DENND5A: variants seen among roughly 807,000 people sequenced by gnomAD.
The protein encoded by DENND5A is DENN domain-containing protein 5A.
DENND5A carries 64 observed loss-of-function variants against 140.3 expected under a neutral mutation model. The ratio of observed to expected loss-of-function variants is 0.46; its 90% confidence interval spans 0.37 to 0.56. The LOEUF is 0.56. DENND5A is among the 20% of genes least tolerant of loss of function. The pLI is 0.00. For missense variants in DENND5A, 1,292 were observed against 1,593.8 expected, an observed-to-expected ratio of 0.81 and a Z score of 3.22; for synonymous variants, 605 against 607.7, an observed-to-expected ratio of 1.00 and a Z score of 0.07.
At chr11:9,226,903 T>TCA (rs564700238) in intron 1 of DENND5A, among the ~76,000 whole-genome samples, 1 of 152,118 alleles carries the variant, frequency 6.6e-6, no homozygotes, top group Non-Finnish European at 1.5e-5. Flanking sequence ...GAGTGGTGAC[T>TCA]CACACCTGTA....
At chr11:9,228,745 G>C (rs1399205520) in intron 1 of DENND5A, among the ~76,000 whole-genome samples, 2 of 151,914 alleles carry the variant, frequency 1.3e-5, no homozygotes, top group South Asian at 2.1e-4. Flanking sequence ...TAAACAACAG[G>C]GTTCAGGGAC....
chr11:9,164,569 T>C (rs1450290248), intron 11 of DENND5A, among the ~76,000 whole-genome samples: 2 of 152,076 alleles, frequency 1.3e-5, no homozygotes, highest in Non-Finnish European at 2.9e-5. Context: ...ATTCTTTTTA[T>C]TAGAAAAGAC....
At chr11:9,208,115 A>G (rs1003690649) in intron 1 of DENND5A, among the ~76,000 whole-genome samples, 1 of 152,230 alleles carries the variant, frequency 6.6e-6, no homozygotes, top group Non-Finnish European at 1.5e-5. Context: ...AGTGAAATCT[A>G]TACCTGTTTA....
At chr11:9,216,766 G>A (rs1250923608) in intron 1 of DENND5A, among the ~76,000 whole-genome samples, 1 of 152,180 alleles carries the variant, frequency 6.6e-6, no homozygotes, top group Non-Finnish European at 1.5e-5. Flanking sequence ...TTACTAGTCT[G>A]GAGGCTGAGG....
intron 1 of DENND5A, among the ~76,000 whole-genome samples, chr11:9,231,572 G>C (rs1327383997): frequency 2.0e-5 from 3 of 152,062 alleles, no homozygotes; most frequent in Non-Finnish European, 4.4e-5. Flanking sequence ...AAAAGTTGCA[G>C]GGAGTGGTGG....
chr11:9,190,506 C>T (rs1314141922), intron 5 of DENND5A, among the ~76,000 whole-genome samples: 1 of 152,160 alleles, frequency 6.6e-6, no homozygotes, highest in Non-Finnish European at 1.5e-5. Context: ...CTCTCTTTGC[C>T]TGCTGCCATC....
chr11:9,152,324 G>C, intron 13 of DENND5A, 34 bp downstream of exon 13: 1 of 1,467,480 alleles, frequency 6.8e-7, no homozygotes, highest in Non-Finnish European at 9.6e-7. Flanking sequence ...AAAGTGGAGA[G>C]AGGGCAGACT....
chr11:9,195,397 T>G (rs965650661), intron 4 of DENND5A, among the ~76,000 whole-genome samples: 2 of 152,160 alleles, frequency 1.3e-5, no homozygotes, highest in Admixed American at 6.5e-5. Context: ...TTTTACAAAT[T>G]ACTATTTGTA....
At chr11:9,184,741 G>A (rs1440633069) in intron 5 of DENND5A, among the ~76,000 whole-genome samples, 1 of 152,164 alleles carries the variant, frequency 6.6e-6, no homozygotes, top group East Asian at 1.9e-4. Flanking sequence ...CGCAATGCCT[G>A]TTCATATCTT....
chr11:9,242,821 G>A (rs12420463), intron 1 of DENND5A: 42,923 of 151,972 alleles, frequency 0.28, 6,713 homozygotes, highest in South Asian at 0.5. Flanking sequence ...CAGGCGTGGT[G>A]GCTCACACCT....
intron 14 of DENND5A, 27 bp from the exon 15 acceptor site, chr11:9,150,236 G>A (rs754957309): frequency 3.1e-6 from 5 of 1,610,744 alleles, no homozygotes; most frequent in East Asian, 2.2e-5. Flanking sequence ...AAAAGGAAGT[G>A]GAGGGTGGGA....
chr11:9,144,221 G>C lies in DENND5A; in HGVS notation c.3180C>G (p.Ile1060Met), dbSNP rs1423822576. The C allele has an allele frequency of 6.2e-7, 1 of 1,614,130 alleles. No individual in the cohort carries two copies. The highest frequency in any genetic ancestry group is 8.5e-7 in the Non-Finnish European group (1 of 1,180,022). The change falls in exon 19 of 23, where the codon ATC becomes ATG. Residue 1060 changes from isoleucine to methionine, a missense_variant. By Grantham distance (10) the Ile-to-Met change is conservative. Around this residue, in one of 4 missense-constraint regions of DENND5A, gnomAD observed 498 missense variants for 689.7 expected, o/e 0.72. Transcript: ENST00000328194. ...KGMDDGSLER[I>M]LVGELLTSQP... The stretch of plus-strand genomic sequence containing the variant: ...GGGATGTGAGCAGCTCCCCAACTAG[G>C]ATCCGCTCCAGGCTTCCATCATCCA...
chr11:9,167,903 T>G (rs1424576532), intron 10 of DENND5A, among the ~76,000 whole-genome samples: 1 of 152,210 alleles, frequency 6.6e-6, no homozygotes, highest in African/African-American at 2.4e-5. Flanking sequence ...TGACCCCAAG[T>G]AGAAGTAACC....
intron 8 of DENND5A, among the ~76,000 whole-genome samples, chr11:9,174,881 C>T (rs1325222463): frequency 1.3e-5 from 2 of 151,670 alleles, no homozygotes; most frequent in Non-Finnish European, 2.9e-5. Flanking sequence ...CTATGAAAAA[C>T]AAAGGAATAA....
chr11:9,202,946 C>A (rs1434098626), intron 4 of DENND5A, among the ~76,000 whole-genome samples: 4 of 152,264 alleles, frequency 2.6e-5, no homozygotes, highest in Admixed American at 2.6e-4. Flanking sequence ...AAGTACCTTA[C>A]AAACTACATA....
At chr11:9,197,357 T>C (rs1239129241) in intron 4 of DENND5A, among the ~76,000 whole-genome samples, 1 of 146,770 alleles carries the variant, frequency 6.8e-6, no homozygotes, top group Non-Finnish European at 1.5e-5. Flanking sequence ...AAAGAGGGAA[T>C]TTTTAAAAAT....
chr11:9,221,962 T>C (rs1290204097), intron 1 of DENND5A, among the ~76,000 whole-genome samples: 1 of 151,310 alleles, frequency 6.6e-6, no homozygotes, highest in Non-Finnish European at 1.5e-5. Context: ...TTTCACAGTG[T>C]TGGCCAGGAT....
chr11:9,146,932 A>G, intron 16 of DENND5A, 98 bp downstream of exon 16: 2 of 1,391,906 alleles, frequency 1.4e-6, no homozygotes, highest in Non-Finnish European at 1.0e-6. Context: ...AGTACAAGGG[A>G]TAATCTTCTT....
chr11:9,181,135 G>A, intron 5 of DENND5A, 51 bp from the exon 6 acceptor site: 1 of 1,534,442 alleles, frequency 6.5e-7, no homozygotes, highest in Non-Finnish European at 8.8e-7. Flanking sequence ...AGCATTACAG[G>A]AAGAAGTTTT....
Sources: gnomAD v4.1 joint callset for allele counts (sites outside exome capture counted in the v4.1 genomes callset) on GRCh38, gnomAD v4.1.1 for gene constraint, gnomAD v4.1.1 regional missense constraint, MANE v1.5 for transcripts, NCBI Gene and HGNC (gene_info 2026-07-23, HGNC 2026-07-21) for gene names.